Variants in RCOR1 observed in about 807,000 individuals in gnomAD.
RCOR1 encodes the protein REST corepressor.
RCOR1 carries 12 observed loss-of-function variants against 64.0 expected under a neutral mutation model. The observed-to-expected ratio is 0.19, with a 90% CI of 0.12 to 0.30. The LOEUF (loss-of-function observed/expected upper bound fraction) is 0.30. Among genes scored for constraint, RCOR1 ranks in the 10% least tolerant of loss-of-function variants. The probability of loss-of-function intolerance (pLI) is 1.00; values close to 1 mark genes in which losing one functional copy is unlikely to be tolerated. For missense variants in RCOR1, 502 were observed against 621.2 expected (o/e 0.81, Z 2.04); for synonymous variants, 279 against 227.2 (o/e 1.23, Z -2.05).
intron 2 of RCOR1, among the ~76,000 whole-genome samples, chr14:102,598,358 C>T (rs758059400): frequency 6.6e-6 from 1 of 151,966 alleles, no homozygotes; most frequent in Non-Finnish European, 1.5e-5. Flanking sequence ...ATTTCCTATG[C>T]AGTTCAAAGG....
At chr14:102,663,658 A>G (rs1168529674) in intron 2 of RCOR1, among the ~76,000 whole-genome samples, 1 of 152,194 alleles carries the variant, frequency 6.6e-6, no homozygotes, top group Non-Finnish European at 1.5e-5. Context: ...TGAAATATCA[A>G]TACAGCCTTG....
intron 2 of RCOR1, among the ~76,000 whole-genome samples, chr14:102,602,656 A>T (rs1470741297): frequency 6.6e-6 from 1 of 152,008 alleles, no homozygotes; most frequent in Non-Finnish European, 1.5e-5. Context: ...GATCTCCCGC[A>T]TCGGCCTCCC....
chr14:102,706,191 G>A (rs1217595866), intron 4 of RCOR1, among the ~76,000 whole-genome samples: 13 of 137,160 alleles, frequency 9.5e-5, no homozygotes, highest in African/African-American at 3.6e-4. Context: ...AAACTTTAAG[G>A]AATGTACAAA....
intron 3 of RCOR1, among the ~76,000 whole-genome samples, chr14:102,682,517 T>C (rs1245785954): frequency 2.0e-5 from 3 of 152,224 alleles, no homozygotes; most frequent in African/African-American, 7.2e-5. Context: ...TTTCCTGAAC[T>C]TTGCTAAATA....
chr14:102,618,206 C>T (rs532096057), intron 2 of RCOR1, among the ~76,000 whole-genome samples: 1 of 151,622 alleles, frequency 6.6e-6, no homozygotes, highest in Admixed American at 6.6e-5. Flanking sequence ...AACTCCTGAG[C>T]TCAGGTGGAT....
intron 11 of RCOR1, 136 bp from the exon 12 acceptor site, chr14:102,726,332 A>G (rs1440361671): frequency 1.7e-5 from 7 of 411,940 alleles, no homozygotes; most frequent in East Asian, 5.6e-5. Context: ...CTCCCCTCCA[A>G]AAAAAAAAAA....
Position 102,593,075 on chromosome 14 carries a change from C to T in RCOR1, c.189C>T (p.Ala63=), listed in dbSNP as rs1893165941. The T allele has an allele frequency of 7.0e-7, 1 of 1,429,188 alleles. No homozygotes were observed. Among genetic ancestry groups the T allele is most frequent in the Admixed American group, 2.9e-5 (1 of 34,774 alleles). 88.5% of individuals were successfully genotyped at this position (1,429,188 alleles called of 1,614,324 possible). A position where few individuals can be genotyped will look rare whatever the true frequency, so the allele number is the denominator to read the frequency against. The change falls in exon 1 of 12, where the codon GCC becomes GCT. Residue 63 remains alanine, a synonymous_variant. Transcript: ENST00000262241. ...SASAAAASAA[A]APNNGQNKSL... ...CGGCCGCCGCCGCCTCAGCCGCCGC[C>T]GCCCCCAATAATGGCCAGAATAAAA...
Position 102,710,939 on chromosome 14 carries a change from G to T in RCOR1, c.784G>T (p.Asp262Tyr), listed in dbSNP as rs1895944866. Reference protein sequence around the residue: ...KQKREREESEDELEEANGNNP... With the variant: ...KQKREREESEYELEEANGNNP... ...TAACTTGTTCTTGTCTTCCAGCGAG[G>T]ATGAACTGGAAGAGGCAAATGGAAA... is the stretch of plus-strand genomic sequence containing the variant. The change falls in exon 7 of 12, where the codon GAT becomes TAT. Residue 262 changes from aspartate to tyrosine, a missense_variant. Physicochemically the swap from Asp to Tyr is radical, Grantham distance 160. Coordinates refer to ENST00000262241, the MANE Select transcript of RCOR1 (RefSeq NM_015156.4). 1.3e-6 allele frequency: 2 copies of T among 1,599,090 alleles called. No homozygotes were observed. The highest frequency in any genetic ancestry group is 1.7e-6 in the Non-Finnish European group (2 of 1,174,052).
intron 2 of RCOR1, among the ~76,000 whole-genome samples, chr14:102,613,978 C>T (rs1567408092): frequency 6.9e-6 from 1 of 145,468 alleles, no homozygotes; most frequent in Non-Finnish European, 1.5e-5. Flanking sequence ...TCACTGCAAC[C>T]TCTGCCTCCC....
chr14:102,725,320 A>C lies in RCOR1; in HGVS notation c.1420-1148A>C, dbSNP rs540204394. Among the ~76,000 whole-genome samples, 254 of 152,350 alleles carry C rather than the reference A, an allele frequency of 1.7e-3. 4 individuals carry two copies. In the South Asian group the frequency reaches 0.036, roughly 21 times the overall value. On this transcript the variant is annotated intron_variant, in intron 11 of 11. Coordinates refer to ENST00000262241, the MANE Select transcript of RCOR1 (RefSeq NM_015156.4). Reference sequence around the variant, plus strand: ...GTTGTTTCTCCAGCAATGAGATGCCATGAGCATGGCAGAGAGCAGTAAGAC... The same window carrying C: ...GTTGTTTCTCCAGCAATGAGATGCCCTGAGCATGGCAGAGAGCAGTAAGAC...
At chr14:102,603,768 G>A (rs1893450378) in intron 2 of RCOR1, among the ~76,000 whole-genome samples, 2 of 151,936 alleles carry the variant, frequency 1.3e-5, no homozygotes, top group African/African-American at 4.8e-5. Context: ...CTACAGGAGT[G>A]TGCCACCACG....
intron 8 of RCOR1, among the ~76,000 whole-genome samples, chr14:102,715,444 C>T (rs1162002361): frequency 6.6e-6 from 1 of 151,930 alleles, no homozygotes; most frequent in African/African-American, 2.4e-5. Flanking sequence ...TGCAGCGGTG[C>T]GATCTTGGCT....
intron 4 of RCOR1, among the ~76,000 whole-genome samples, chr14:102,701,655 G>A (rs1567440762): frequency 1.3e-5 from 2 of 152,182 alleles, no homozygotes; most frequent in Admixed American, 1.3e-4. Context: ...TCTTCTGGTT[G>A]TATCATGATG....
intron 2 of RCOR1, among the ~76,000 whole-genome samples, chr14:102,642,693 G>A (rs894305890): frequency 6.6e-6 from 1 of 152,042 alleles, no homozygotes; most frequent in Non-Finnish European, 1.5e-5. Context: ...AAAATAAGCC[G>A]GGTATGGTGG....
At chr14:102,710,300 C>T (rs1368569723) in intron 6 of RCOR1, among the ~76,000 whole-genome samples, 7 of 152,312 alleles carry the variant, frequency 4.6e-5, no homozygotes, top group African/African-American at 7.2e-5. Context: ...CTACCTACAT[C>T]GGGGCTTTTC....
At chr14:102,662,768 G>C in intron 2 of RCOR1, 1 of 248,798 alleles carries the variant, frequency 4.0e-6, no homozygotes, top group South Asian at 5.1e-5. Flanking sequence ...GATTGTACCA[G>C]ATTATAAGAT....
chr14:102,607,836 C>G (rs1346931291), intron 2 of RCOR1, among the ~76,000 whole-genome samples: 1 of 152,128 alleles, frequency 6.6e-6, no homozygotes, highest in Admixed American at 6.6e-5. Context: ...GAGCTGAGAT[C>G]GTGCCACTGC....
At chr14:102,636,208 G>C (rs1894233850) in intron 2 of RCOR1, among the ~76,000 whole-genome samples, 1 of 152,102 alleles carries the variant, frequency 6.6e-6, no homozygotes, top group Non-Finnish European at 1.5e-5. Flanking sequence ...AAAGTGCTGT[G>C]ATGATAGGCG....
At chr14:102,691,190 C>T (rs563759966) in intron 3 of RCOR1, among the ~76,000 whole-genome samples, 10 of 152,182 alleles carry the variant, frequency 6.6e-5, no homozygotes, top group African/African-American at 1.7e-4. Context: ...GTTCATTGAG[C>T]GCCGTGAAGG....
Sources: allele counts gnomAD v4.1 joint callset (sites outside exome capture counted in the v4.1 genomes callset), GRCh38; gene constraint gnomAD v4.1.1; transcripts MANE v1.5; gene names NCBI Gene and HGNC (gene_info 2026-07-23, HGNC 2026-07-21).